The following NRM variants were observed in gnomAD, a reference collection of about 807,000 sequenced individuals.
The protein encoded by NRM is nurim, also known as nuclear rim protein.
NRM carries 19 observed loss-of-function variants against 23.4 expected under a neutral mutation model. The ratio of observed to expected loss-of-function variants is 0.81; its 90% confidence interval spans 0.57 to 1.19. NRM has a LOEUF of 1.19. NRM is among the 50% of genes most tolerant of loss of function. The pLI is 0.00. For synonymous variants in NRM, 140 were observed against 143.5 expected, an observed-to-expected ratio of 0.98 and a Z score of 0.17; for missense variants, 232 against 329.7, an observed-to-expected ratio of 0.70 and a Z score of 2.30.
rs768804320 is a variant in NRM, at chr6:30,690,193, G to A, written c.184C>T (p.Pro62Ser). The A allele has an allele frequency of 6.2e-7, 1 of 1,610,662 alleles. No homozygotes were observed. The highest frequency in any genetic ancestry group is 8.5e-7 in the Non-Finnish European group (1 of 1,179,276). The change falls in exon 2 of 4, where the codon CCC becomes TCC. Residue 62 changes from proline (P) to serine (S), a missense_variant. Coordinates refer to ENST00000376421, the MANE Select transcript of NRM (RefSeq NM_001384369.1). The surrounding 1 kb of genome is among the most constrained non-coding windows in gnomAD (Gnocchi z 5.5). ...AGGAGCCCCAGATCCCATGCCAGGG[G>A]GGCAAGGATGCTGCGGTCCTGCAGG... ...AALQDRSILA[P>S]LAWDLGLLLL...
rs1228221105 is a variant in NRM at position 30,689,931 on chromosome 6, A to G, written c.330+116T>C. On this transcript the variant is annotated intron_variant, in intron 2 of 3. Coordinates refer to ENST00000376421, the MANE Select transcript of NRM (RefSeq NM_001384369.1). The surrounding 1 kb of genome is among the most constrained non-coding windows in gnomAD (Gnocchi z 4.7). ...AATGGAAGCTGAGATTAGTTCCTCA[A>G]TTCTCCTCCTGAACCCATATTTTGC... The G allele has an allele frequency of 2.4e-5, 24 of 982,472 alleles. No homozygotes were observed. The highest frequency in any genetic ancestry group is 3.3e-5 in the Non-Finnish European group (22 of 661,976). The allele number at this position is 982,472 out of a possible 1,614,324, so 60.9% of individuals were successfully genotyped here. A position where few individuals can be genotyped will look rare whatever the true frequency, so the allele number is the denominator to read the frequency against.
Position 30,688,274 on chromosome 6 carries a change from T to C in NRM, c.*387A>G. 1 of 234,826 alleles carries C rather than the reference T, an allele frequency of 4.3e-6. No homozygotes were observed. The highest frequency in any genetic ancestry group is 8.5e-6 in the Non-Finnish European group (1 of 118,028). The allele number at this position is 234,826 out of a possible 1,614,324, so 14.5% of individuals were successfully genotyped here. ...TTGAACTTGCAGACCCTGGTCCACCTTCTTGGAGTGGAAGCCAGCGGTGCA... is the reference window on the plus strand; with the variant it reads ...TTGAACTTGCAGACCCTGGTCCACCCTCTTGGAGTGGAAGCCAGCGGTGCA... On this transcript the variant is annotated 3_prime_UTR_variant, in exon 4 of 4. Coordinates refer to ENST00000376421, the MANE Select transcript of NRM (RefSeq NM_001384369.1). The surrounding 1 kb of genome is among the most constrained non-coding windows in gnomAD (Gnocchi z 5.9).
Position 30,688,789 on chromosome 6 carries a change from C to T in NRM, c.661G>A (p.Ala221Thr), listed in dbSNP as rs780964327. 2 of 1,613,716 alleles carry T rather than the reference C, an allele frequency of 1.2e-6. No individual in the cohort carries two copies. Among genetic ancestry groups the T allele is most frequent in the South Asian group, 2.2e-5 (2 of 91,064 alleles). The change falls in exon 4 of 4, where the codon GCT (alanine) becomes ACT (threonine). Residue 221 changes from alanine (A) to threonine (T), a missense_variant. Coordinates refer to ENST00000376421, the MANE Select transcript of NRM (RefSeq NM_001384369.1). The surrounding 1 kb of genome is among the most constrained non-coding windows in gnomAD (Gnocchi z 5.9). ...CCCAGGTAGAGGGTAAGGAGGAAAG[C>T]AAGGAGGAGACGGTCCGTGCCCAGG... Reference protein sequence around the residue: ...PTLGTDRLLLAFLLTLYLGLA... With the variant: ...PTLGTDRLLLTFLLTLYLGLA...
chr6:30,691,232 C>G (rs774816804), upstream of NRM: 7 of 449,740 alleles, frequency 1.6e-5, no homozygotes, highest in Non-Finnish European at 2.8e-5. Context: ...AGGGTAGCGG[C>G]TCTGCAGCCG....
Position 30,689,361 on chromosome 6 carries a change from C to A in NRM, c.422G>T (p.Cys141Phe), listed in dbSNP as rs775206079. The A allele has an allele frequency of 2.9e-5, 45 of 1,559,258 alleles. No homozygotes were observed. The highest frequency in any genetic ancestry group is 3.9e-5 in the Non-Finnish European group (45 of 1,151,318). Reference protein sequence around the residue: ...EPWATWVPLLCFVLHVISWLL... With the variant: ...EPWATWVPLLFFVLHVISWLL... ...CCAGGAGATGACATGGAGCACAAAG[C>A]AGAGGAGCGGCACCCAGGTGGCCCA... The change falls in exon 3 of 4, where the codon TGC (cysteine) becomes TTC (phenylalanine). Residue 141 changes from cysteine (C) to phenylalanine (F), a missense_variant. Coordinates refer to ENST00000376421, the MANE Select transcript of NRM (RefSeq NM_001384369.1). The surrounding 1 kb of genome is among the most constrained non-coding windows in gnomAD (Gnocchi z 4.7).
In NRM at chr6:30,688,663, AC is replaced by A; in HGVS notation, c.786del (p.Glu262AspfsTer46). Reference protein sequence around the residue: ...LLSRPQDGEAE With the variant: ...LLSRPQDGEAX The stretch of plus-strand genomic sequence containing the variant: ...GGCTTGTAACCAGAGTGAGCTCCTC[AC>A]TCTGCCTCCCCATCCTGGGGCCGAG... On this transcript the variant is annotated frameshift_variant, in exon 4 of 4. Coordinates refer to ENST00000376421, the MANE Select transcript of NRM (RefSeq NM_001384369.1). LOFTEE classifies it high-confidence loss of function. The surrounding 1 kb of genome is among the most constrained non-coding windows in gnomAD (Gnocchi z 5.9). The A allele has an allele frequency of 6.2e-7, 1 of 1,613,096 alleles. No individual in the cohort carries two copies. The highest frequency in any genetic ancestry group is 8.5e-7 in the Non-Finnish European group (1 of 1,179,548).
Position 30,688,646 on chromosome 6 carries a change from AC to A in NRM, c.*14del. ...TGGGAGAGGAAGAACAGGGCTTGTA[AC>A]CAGAGTGAGCTCCTCACTCTGCCTC... On this transcript the variant is annotated 3_prime_UTR_variant, in exon 4 of 4. Transcript: ENST00000376421. The surrounding 1 kb of genome is among the most constrained non-coding windows in gnomAD (Gnocchi z 5.9). The A allele has an allele frequency of 6.2e-7, 1 of 1,610,754 alleles. No individual in the cohort carries two copies. Among genetic ancestry groups the A allele is most frequent in the Non-Finnish European group, 8.5e-7 (1 of 1,178,052 alleles).
At position 30,688,688 on chromosome 6, in the gene NRM, A is replaced by G. The variant is rs1490802591; in HGVS notation, c.762T>C (p.Ser254=). ...ACTCTGCCTCCCCATCCTGGGGCCG[A>G]GAGAGCAGGTGGAGTTTTCTTTGTA... ...AQLQRKLHLL[S]RPQDGEAE The change falls in exon 4 of 4, where the codon TCT becomes TCC. Residue 254 remains serine (S), a synonymous_variant. Transcript: ENST00000376421. This position sits in a 1 kb window ranked among gnomAD's most constrained non-coding sequence, Gnocchi z 5.9. The G allele has an allele frequency of 5.6e-6, 9 of 1,613,814 alleles. No individual in the cohort carries two copies. The Middle Eastern group carries it at 6.6e-4, about 119-fold the overall frequency.
In NRM at chr6:30,688,790, AAGG is replaced by A; in HGVS notation, c.657_659del (p.Leu220del). The A allele has an allele frequency of 6.2e-7, 1 of 1,613,744 alleles. No homozygotes were observed. Among genetic ancestry groups the A allele is most frequent in the Non-Finnish European group, 8.5e-7 (1 of 1,179,980 alleles). On this transcript the variant is annotated inframe_deletion, in exon 4 of 4. Transcript: ENST00000376421. The surrounding 1 kb of genome is among the most constrained non-coding windows in gnomAD (Gnocchi z 5.9). ...CCAGGTAGAGGGTAAGGAGGAAAGC[AAGG>A]AGGAGACGGTCCGTGCCCAGGGTAG...
rs573481806 is a variant in NRM, at chr6:30,689,993, C to A, written c.330+54G>T. On this transcript the variant is annotated intron_variant, in intron 2 of 3. Coordinates refer to ENST00000376421, the MANE Select transcript of NRM (RefSeq NM_001384369.1). This position sits in a 1 kb window ranked among gnomAD's most constrained non-coding sequence, Gnocchi z 4.7. ...ACGGCACCCCTCCCACACTTGGTCTCCCTTGGGGACTCAACTGCCAGGATT... is the reference window on the plus strand; with the variant it reads ...ACGGCACCCCTCCCACACTTGGTCTACCTTGGGGACTCAACTGCCAGGATT... The A allele has an allele frequency of 7.2e-5, 114 of 1,574,426 alleles. No homozygotes were observed. The highest frequency in any genetic ancestry group is 9.5e-5 in the Non-Finnish European group (111 of 1,165,598).
In NRM at chr6:30,689,200, G is replaced by T; in HGVS notation, c.507+76C>A. 1 of 1,377,990 alleles carries T rather than the reference G, an allele frequency of 7.3e-7. No individual in the cohort carries two copies. Among genetic ancestry groups the T allele is most frequent in the Non-Finnish European group, 9.9e-7 (1 of 1,014,130 alleles). The allele number at this position is 1,377,990 out of a possible 1,614,324, so 85.4% of individuals were successfully genotyped here. On this transcript the variant is annotated intron_variant, in intron 3 of 3. Coordinates refer to ENST00000376421, the MANE Select transcript of NRM (RefSeq NM_001384369.1). The surrounding 1 kb of genome is among the most constrained non-coding windows in gnomAD (Gnocchi z 4.7). ...AGGGAGACAGTAGAAGAGCATGGGA[G>T]GAGGGAAACCCTTGAAAGGGAACGA...
chr6:30,689,539 G>T lies in NRM; in HGVS notation c.331-87C>A, dbSNP rs761340317. 2 of 1,328,980 alleles carry T rather than the reference G, an allele frequency of 1.5e-6. No individual in the cohort carries two copies. Among genetic ancestry groups the T allele is most frequent in the Non-Finnish European group, 2.0e-6 (2 of 987,506 alleles). The allele number at this position is 1,328,980 out of a possible 1,614,324, so 82.3% of individuals were successfully genotyped here. On this transcript the variant is annotated intron_variant, in intron 2 of 3. Coordinates refer to ENST00000376421, the MANE Select transcript of NRM (RefSeq NM_001384369.1). This position sits in a 1 kb window ranked among gnomAD's most constrained non-coding sequence, Gnocchi z 4.7. ...AGACCCAGATCTGCCCCCACCACAGGCTAGCCTGCAACTCTCCCCCACCTC... is the reference window on the plus strand; with the variant it reads ...AGACCCAGATCTGCCCCCACCACAGTCTAGCCTGCAACTCTCCCCCACCTC...
Position 30,688,988 on chromosome 6 carries a change from C to T in NRM, c.508-46G>A. 1 of 1,563,744 alleles carries T rather than the reference C, an allele frequency of 6.4e-7. No individual in the cohort carries two copies. Among genetic ancestry groups the T allele is most frequent in the Non-Finnish European group, 8.7e-7 (1 of 1,153,426 alleles). On this transcript the variant is annotated intron_variant, in intron 3 of 3. Coordinates refer to ENST00000376421, the MANE Select transcript of NRM (RefSeq NM_001384369.1). This position sits in a 1 kb window ranked among gnomAD's most constrained non-coding sequence, Gnocchi z 5.9. ...TAGAAATGGAGTCAAGCCCTTTTCT[C>T]ATCTTGGGCACTTCTTTCCTCCTCT...
At position 30,690,345 on chromosome 6, in the gene NRM, G is replaced by T; in HGVS notation, c.134-102C>A. ...GGATCCCCAGGCCATGTCCCTTACTGCTTTCAAGAGCCTTAATGCTTCCTC... is the reference window on the plus strand; with the variant it reads ...GGATCCCCAGGCCATGTCCCTTACTTCTTTCAAGAGCCTTAATGCTTCCTC... On this transcript the variant is annotated intron_variant, in intron 1 of 3. Transcript: ENST00000376421. This position sits in a 1 kb window ranked among gnomAD's most constrained non-coding sequence, Gnocchi z 5.5. The T allele has an allele frequency of 8.8e-7, 1 of 1,131,476 alleles. No individual in the cohort carries two copies. The highest frequency in any genetic ancestry group is 1.2e-6 in the Non-Finnish European group (1 of 808,266). The allele number at this position is 1,131,476 out of a possible 1,614,324, so 70.1% of individuals were successfully genotyped here.
rs2269705 is a variant in NRM, at chr6:30,689,070, T to C, written c.508-128A>G. The C allele has an allele frequency of 0.079, 91,762 of 1,159,434 alleles. 4,862 individuals carry two copies. Among genetic ancestry groups the C allele is most frequent in the African/African-American group, 0.23 (14,445 of 63,976 alleles). 71.8% of individuals were successfully genotyped at this position (1,159,434 alleles called of 1,614,324 possible). A position where few individuals can be genotyped will look rare whatever the true frequency, so the allele number is the denominator to read the frequency against. ...AGGAACCCCCCTTCTGAGACTTGGA[T>C]CCCTGATCCTGACTTCTGATCCATG... On this transcript the variant is annotated intron_variant, in intron 3 of 3. Coordinates refer to ENST00000376421, the MANE Select transcript of NRM (RefSeq NM_001384369.1). This position sits in a 1 kb window ranked among gnomAD's most constrained non-coding sequence, Gnocchi z 4.7.
In NRM at chr6:30,690,984, T is replaced by C; in HGVS notation, c.-10A>G. ...GCAGTGCAGGGGCCATGGCGAGAAA[T>C]GGAGGGGTGGGGAAAGGGGCGGGGT... On this transcript the variant is annotated 5_prime_UTR_variant, in exon 1 of 4. Coordinates refer to ENST00000376421, the MANE Select transcript of NRM (RefSeq NM_001384369.1). The surrounding 1 kb of genome is among the most constrained non-coding windows in gnomAD (Gnocchi z 5.5). 3 of 677,338 alleles carry C rather than the reference T, an allele frequency of 4.4e-6. No individual in the cohort carries two copies. Among genetic ancestry groups the C allele is most frequent in the Non-Finnish European group, 7.4e-6 (3 of 404,128 alleles). The allele number at this position is 677,338 out of a possible 1,614,324, so 42.0% of individuals were successfully genotyped here.
In NRM at chr6:30,690,810, C is replaced by A; in HGVS notation, c.133+32G>T. On this transcript the variant is annotated intron_variant, in intron 1 of 3. Coordinates refer to ENST00000376421, the MANE Select transcript of NRM (RefSeq NM_001384369.1). The surrounding 1 kb of genome is among the most constrained non-coding windows in gnomAD (Gnocchi z 5.5). ...CCTCTCCTACGGCTCCACCTTCCTCCTCCCAGTTCATCCTCGATCCCTCCC... is the reference window on the plus strand; with the variant it reads ...CCTCTCCTACGGCTCCACCTTCCTCATCCCAGTTCATCCTCGATCCCTCCC... The A allele has an allele frequency of 6.2e-7, 1 of 1,612,980 alleles. No homozygotes were observed. The highest frequency in any genetic ancestry group is 1.1e-5 in the South Asian group (1 of 91,072).
chr6:30,689,277 T>G lies in NRM; in HGVS notation c.506A>C (p.Gln169Pro). 1 of 1,552,970 alleles carries G rather than the reference T, an allele frequency of 6.4e-7. No homozygotes were observed. Among genetic ancestry groups the G allele is most frequent in the Non-Finnish European group, 8.7e-7 (1 of 1,147,640 alleles). ...TAGGTAGGGATCTCGGAGCCTCACC[T>G]GTTTGAGGCCCATGAGCTCAGCATA... ...FDYAELMGLKQVYYHVLGLGE... is the reference protein window; with the variant it reads ...FDYAELMGLKPVYYHVLGLGE... The change falls in exon 3 of 4, where the codon CAG (glutamine) becomes CCG (proline). Residue 169 changes from glutamine to proline, a missense_variant and splice_region_variant. Gln to Pro is a moderately conservative substitution (Grantham distance 76, BLOSUM62 -1). Transcript: ENST00000376421. This position sits in a 1 kb window ranked among gnomAD's most constrained non-coding sequence, Gnocchi z 4.7.
In NRM at chr6:30,690,640, C is replaced by G; in HGVS notation, c.133+202G>C. On this transcript the variant is annotated intron_variant, in intron 1 of 3. Coordinates refer to ENST00000376421, the MANE Select transcript of NRM (RefSeq NM_001384369.1). The surrounding 1 kb of genome is among the most constrained non-coding windows in gnomAD (Gnocchi z 5.5). ...CTTTTCGGCTCCCTCAGTCCTCACT[C>G]TCCCGCCTCTCCAAAACTCTAATCC... 6.4e-7 allele frequency: 1 copy of G among 1,573,576 alleles called. No individual in the cohort carries two copies.
Sources: allele counts gnomAD v4.1 joint callset, GRCh38; gene constraint gnomAD v4.1.1; non-coding constraint Gnocchi (gnomAD v3.1); transcripts MANE v1.5; gene names NCBI Gene and HGNC (gene_info 2026-07-23, HGNC 2026-07-21).